NLGN4X: variants seen among roughly 807,000 people sequenced by gnomAD.
The protein encoded by NLGN4X is neuroligin 4 X-linked.
A neutral mutation model predicts 40.3 loss-of-function variants in NLGN4X; 3 were observed. The observed-to-expected ratio is 0.07, with a 90% CI of 0.03 to 0.19. The LOEUF (loss-of-function observed/expected upper bound fraction) is 0.19. Among genes scored for constraint, NLGN4X ranks in the 10% least tolerant of loss-of-function variants. The pLI, the probability that NLGN4X is intolerant of heterozygous loss-of-function variation, is 1.00. For synonymous variants in NLGN4X, 270 were observed against 306.8 expected (o/e 0.88, Z 1.25); for missense variants, 382 against 708.3 (o/e 0.54, Z 5.23).
chrX:6,079,686 ATAATTG>A (rs746686093), intron 2 of NLGN4X, among the ~76,000 whole-genome samples: 1 of 112,464 alleles, frequency 8.9e-6, no homozygotes, highest in Non-Finnish European at 1.9e-5. Context: ...CCCAAAGCAC[ATAATTG>A]TATCTTACAC....
At chrX:6,124,211 T>C (rs1010316056) in intron 2 of NLGN4X, among the ~76,000 whole-genome samples, 1 of 111,023 alleles carries the variant, frequency 9.0e-6, no homozygotes, top group African/African-American at 3.3e-5. Flanking sequence ...ATAATACAGC[T>C]TCAAAACATG....
Position 5,930,281 on chromosome X carries a change from A to G in NLGN4X, c.626-21042T>C, listed in dbSNP as rs772671922. Reference sequence around the variant, plus strand: ...AGTAACTGGCAGTTGAGCAACAATAAGAAATGTAGATAACACACAATCTTA... The same window carrying G: ...AGTAACTGGCAGTTGAGCAACAATAGGAAATGTAGATAACACACAATCTTA... On this transcript the variant is annotated intron_variant, in intron 3 of 5. Transcript: ENST00000381095. 3.3e-4 allele frequency among the ~76,000 whole-genome samples: 37 copies of G among 112,528 alleles called. No individual in the cohort carries two copies. The South Asian group carries it at 0.012, about 38-fold the overall frequency.
intron 1 of NLGN4X, among the ~76,000 whole-genome samples, chrX:6,162,805 T>C (rs967771090): frequency 8.9e-6 from 1 of 111,929 alleles, no homozygotes; most frequent in Non-Finnish European, 1.9e-5. Flanking sequence ...ATGGTTTGTG[T>C]TTGAGAAAGT....
chrX:6,026,834 T>A (rs975049464), intron 3 of NLGN4X, among the ~76,000 whole-genome samples: 1 of 111,674 alleles, frequency 9.0e-6, no homozygotes, highest in Non-Finnish European at 1.9e-5. Flanking sequence ...TTCAATTAGT[T>A]TTTTTTTCCT....
chrX:6,116,391 C>CTTTTT lies in NLGN4X; in HGVS notation c.472+34599_472+34603dup, dbSNP rs1157468420. 3.1e-3 allele frequency among the ~76,000 whole-genome samples: 68 copies of CTTTTT among 22,286 alleles called. 22 individuals carry two copies. The highest frequency in any genetic ancestry group is 6.2e-3 in the African/African-American group (33 of 5,349). 19.4% of individuals were successfully genotyped at this position (22,286 alleles called of 115,157 possible). ...ACAAGTAGGTATTGAACCTTTCTTT[C>CTTTTT]TTTTTTTTTTTTTTTTTTTTTTTTT... On this transcript the variant is annotated intron_variant, in intron 2 of 5. Transcript: ENST00000381095.
chrX:5,996,038 A>C (rs145350938), intron 3 of NLGN4X, among the ~76,000 whole-genome samples: 1,117 of 91,527 alleles, frequency 0.012, 3 homozygotes, highest in Non-Finnish European at 0.019. Flanking sequence ...ACAAGATGAC[A>C]CATGAACAGA....
At chrX:6,168,046 G>A (rs1420379026) in intron 1 of NLGN4X, among the ~76,000 whole-genome samples, 2 of 111,709 alleles carry the variant, frequency 1.8e-5, no homozygotes, top group Admixed American at 9.5e-5. Context: ...GCTTTCCTTG[G>A]CTATTTCTAG....
Position 5,892,632 on chromosome X carries a change from A to AC in NLGN4X, c.*184dup, listed in dbSNP as rs1219176713. 1 of 524,172 alleles carries AC rather than the reference A, an allele frequency of 1.9e-6. No homozygotes were observed. Among genetic ancestry groups the AC allele is most frequent in the Non-Finnish European group, 3.1e-6 (1 of 325,043 alleles). The allele number at this position is 524,172 out of a possible 1,213,427, so 43.2% of individuals were successfully genotyped here. ...AGTTGATCTTGTAATACTGGAAAAC[A>AC]CCAACGATAAGGGTCTGCCGGGATG... On this transcript the variant is annotated 3_prime_UTR_variant, in exon 6 of 6. Transcript: ENST00000381095.
At chrX:6,058,096 T>C (rs2037679088) in intron 2 of NLGN4X, among the ~76,000 whole-genome samples, 1 of 111,236 alleles carries the variant, frequency 9.0e-6, no homozygotes, top group Non-Finnish European at 1.9e-5. Flanking sequence ...ATTTCAGATA[T>C]CTTAGTCATA....
At chrX:5,923,756 C>G (rs1265633399) in intron 3 of NLGN4X, among the ~76,000 whole-genome samples, 2 of 111,624 alleles carry the variant, frequency 1.8e-5, no homozygotes, top group Non-Finnish European at 3.8e-5. Flanking sequence ...GGGACACAAC[C>G]AAACCATGTC....
chrX:6,004,379 A>G (rs1294664936), intron 3 of NLGN4X, among the ~76,000 whole-genome samples: 1 of 112,206 alleles, frequency 8.9e-6, no homozygotes, highest in East Asian at 2.8e-4. Context: ...TTTAAAATAT[A>G]AAAAACAACA....
At chrX:6,018,695 C>G (rs772896612) in intron 3 of NLGN4X, among the ~76,000 whole-genome samples, 1 of 111,828 alleles carries the variant, frequency 8.9e-6, no homozygotes, top group African/African-American at 3.2e-5. Flanking sequence ...GTTGATTTTA[C>G]CCATCTGTTT....
chrX:6,136,785 G>C (rs1258018418), intron 2 of NLGN4X, among the ~76,000 whole-genome samples: 1 of 112,153 alleles, frequency 8.9e-6, no homozygotes, highest in Non-Finnish European at 1.9e-5. Flanking sequence ...TCTTTCACTT[G>C]GAAAATGCCA....
intron 2 of NLGN4X, among the ~76,000 whole-genome samples, chrX:6,125,419 C>A (rs1036392624): frequency 3.4e-3 from 163 of 47,600 alleles, no homozygotes; most frequent in Non-Finnish European, 5.9e-3. Context: ...ACATATACAA[C>A]AAATAATGAA....
At chrX:6,141,076 A>T (rs1007166593) in intron 2 of NLGN4X, among the ~76,000 whole-genome samples, 1 of 111,489 alleles carries the variant, frequency 9.0e-6, no homozygotes, top group Admixed American at 9.6e-5. Flanking sequence ...TGATTTATTT[A>T]CTGAGAGTGG....
At chrX:6,185,182 C>A (rs890179207) in intron 1 of NLGN4X, among the ~76,000 whole-genome samples, 1 of 112,234 alleles carries the variant, frequency 8.9e-6, no homozygotes, top group Non-Finnish European at 1.9e-5. Flanking sequence ...CACAAAGGTT[C>A]ATGGACAGGA....
chrX:5,976,847 C>T (rs992224264), intron 3 of NLGN4X, among the ~76,000 whole-genome samples: 5 of 112,897 alleles, frequency 4.4e-5, no homozygotes, highest in Non-Finnish European at 9.4e-5. Flanking sequence ...TCACATTGTG[C>T]GTACTTCTCA....
intron 5 of NLGN4X, among the ~76,000 whole-genome samples, chrX:5,898,121 TTTCTC>T (rs2031618836): frequency 8.7e-5 from 3 of 34,304 alleles, no homozygotes; most frequent in African/African-American, 1.2e-4. Flanking sequence ...TCTTCCCTCT[TTTCTC>T]TCTTTCCTTT....
At chrX:6,143,476 T>G (rs2039988594) in intron 2 of NLGN4X, among the ~76,000 whole-genome samples, 1 of 112,425 alleles carries the variant, frequency 8.9e-6, no homozygotes, top group Non-Finnish European at 1.9e-5. Flanking sequence ...GCCGCGATCT[T>G]GAGTGAAACT....
Sources: gnomAD v4.1 joint callset for allele counts (sites outside exome capture counted in the v4.1 genomes callset) on GRCh38, gnomAD v4.1.1 for gene constraint, MANE v1.5 for transcripts, NCBI Gene and HGNC (gene_info 2026-07-23, HGNC 2026-07-21) for gene names.